EXOC6B: variants seen among roughly 807,000 people sequenced by gnomAD.
EXOC6B encodes exocyst complex component 6B, also known as SEC15 homolog B.
Under a neutral mutation model 113.5 loss-of-function variants are expected in EXOC6B, and 54 were observed. The observed-to-expected ratio is 0.48, with a 90% CI of 0.38 to 0.60. The LOEUF is 0.60. EXOC6B is among the 20% of genes least tolerant of loss of function. EXOC6B has a pLI of 0.00. For synonymous variants in EXOC6B, 357 were observed against 339.0 expected (o/e 1.05, Z -0.58); for missense variants, 797 against 977.5 (o/e 0.82, Z 2.46).
chr2:72,795,645 C>A (rs1458902093), intron 1 of EXOC6B, among the ~76,000 whole-genome samples: 1 of 152,046 alleles, frequency 6.6e-6, no homozygotes, highest in Non-Finnish European at 1.5e-5. Flanking sequence ...CTGTGGTAGA[C>A]AGAATAATGG....
chr2:72,754,027 G>A (rs1307773249), intron 1 of EXOC6B, among the ~76,000 whole-genome samples: 1 of 152,082 alleles, frequency 6.6e-6, no homozygotes, highest in Non-Finnish European at 1.5e-5. Context: ...CTGAGTAGCT[G>A]GGACTACAGG....
At chr2:72,698,059 G>C (rs1269511740) in intron 6 of EXOC6B, among the ~76,000 whole-genome samples, 1 of 152,184 alleles carries the variant, frequency 6.6e-6, no homozygotes, top group Admixed American at 6.5e-5. Context: ...TTTGGTGATG[G>C]GGAGGGGGAG....
chr2:72,802,290 A>G (rs1027077054), intron 1 of EXOC6B, among the ~76,000 whole-genome samples: 7 of 151,004 alleles, frequency 4.6e-5, no homozygotes, highest in Non-Finnish European at 8.8e-5. Flanking sequence ...ACACCACTGC[A>G]CTCTAGCCTG....
At chr2:72,705,959 A>G (rs892756820) in intron 6 of EXOC6B, among the ~76,000 whole-genome samples, 5 of 152,196 alleles carry the variant, frequency 3.3e-5, no homozygotes, top group African/African-American at 1.2e-4. Context: ...TTCCCAGCCT[A>G]TATTTCTGAT....
intron 20 of EXOC6B, among the ~76,000 whole-genome samples, chr2:72,315,480 T>C (rs1687463268): frequency 6.6e-6 from 1 of 152,178 alleles, no homozygotes; most frequent in Non-Finnish European, 1.5e-5. Flanking sequence ...GTTTTAACTT[T>C]TTCATGCCTT....
At position 72,421,793 on chromosome 2, in the gene EXOC6B, G is replaced by A. The variant is rs1326489935; in HGVS notation, c.1981-41923C>T. ...CCCCTTTCTGGGCTGGCCAAGGCTG[G>A]AGCCCACTCCCTCAGCTTGCAGCGA... On this transcript the variant is annotated intron_variant, in intron 18 of 21. Transcript: ENST00000272427. Among the ~76,000 whole-genome samples the A allele has an allele frequency of 2.6e-5, 4 of 152,208 alleles. No individual in the cohort carries two copies. In the East Asian group the frequency reaches 7.7e-4, roughly 29 times the overall value.
At chr2:72,509,459 T>C (rs763608687) in intron 11 of EXOC6B, among the ~76,000 whole-genome samples, 13 of 152,160 alleles carry the variant, frequency 8.5e-5, no homozygotes, top group Non-Finnish European at 1.6e-4. Context: ...AAATTTTTTA[T>C]GGTTGTAGAA....
chr2:72,743,076 A>G (rs547472216), intron 1 of EXOC6B, among the ~76,000 whole-genome samples: 1 of 152,152 alleles, frequency 6.6e-6, no homozygotes, highest in Admixed American at 6.5e-5. Flanking sequence ...AATGACTCCT[A>G]ATCTATCTCC....
intron 1 of EXOC6B, among the ~76,000 whole-genome samples, chr2:72,746,979 C>T (rs372368141): frequency 3.9e-5 from 6 of 152,020 alleles, no homozygotes; most frequent in African/African-American, 9.6e-5. Flanking sequence ...TTGCTTGCTA[C>T]GATACAATTA....
intron 6 of EXOC6B, among the ~76,000 whole-genome samples, chr2:72,659,849 A>G (rs1238799430): frequency 6.6e-6 from 1 of 152,150 alleles, no homozygotes. Context: ...ACAATTCTTA[A>G]AAGAATCATT....
At chr2:72,659,086 C>T (rs1225556031) in intron 6 of EXOC6B, among the ~76,000 whole-genome samples, 1 of 152,040 alleles carries the variant, frequency 6.6e-6, no homozygotes, top group East Asian at 1.9e-4. Flanking sequence ...GACAGTATCT[C>T]AAATTATTTT....
At chr2:72,801,080 G>A (rs995676917) in intron 1 of EXOC6B, among the ~76,000 whole-genome samples, 1 of 152,286 alleles carries the variant, frequency 6.6e-6, no homozygotes, top group Non-Finnish European at 1.5e-5. Context: ...GTAGAACTGT[G>A]ACAGATACAA....
At chr2:72,418,378 C>T (rs1694663597) in intron 18 of EXOC6B, among the ~76,000 whole-genome samples, 1 of 152,172 alleles carries the variant, frequency 6.6e-6, no homozygotes, top group South Asian at 2.1e-4. Context: ...CTGCTTTCTG[C>T]AGGGTTGTTC....
rs1179607217 is a variant in EXOC6B, at chr2:72,532,305, A to AT, written c.916-17180dup. On this transcript the variant is annotated intron_variant, in intron 8 of 21. Coordinates refer to ENST00000272427, the MANE Select transcript of EXOC6B (RefSeq NM_015189.3). The stretch of plus-strand genomic sequence containing the variant: ...ATGCAAGTGAAATTAACAATGTACC[A>AT]TTTTTTCCCTACCAAATTAGCAAAA... 2.6e-5 allele frequency among the ~76,000 whole-genome samples: 4 copies of AT among 152,254 alleles called. No individual in the cohort carries two copies. The South Asian group carries it at 8.3e-4, about 32-fold the overall frequency.
chr2:72,665,472 G>A (rs1675325166), intron 6 of EXOC6B, among the ~76,000 whole-genome samples: 1 of 152,072 alleles, frequency 6.6e-6, no homozygotes. Flanking sequence ...CACTTATAAA[G>A]GAAATAGCAT....
chr2:72,288,933 G>C (rs1685614800), intron 20 of EXOC6B: 1 of 229,152 alleles, frequency 4.4e-6, no homozygotes, highest in Non-Finnish European at 8.8e-6. Context: ...TCACAAGCAG[G>C]CTAAACAAGT....
intron 11 of EXOC6B, among the ~76,000 whole-genome samples, chr2:72,501,680 T>C (rs1700327484): frequency 6.6e-6 from 1 of 151,532 alleles, no homozygotes; most frequent in Non-Finnish European, 1.5e-5. Context: ...TTGCCCATTA[T>C]TTACTTGAAG....
chr2:72,348,287 T>G (rs1689448789), intron 19 of EXOC6B, among the ~76,000 whole-genome samples: 1 of 152,184 alleles, frequency 6.6e-6, no homozygotes, highest in Non-Finnish European at 1.5e-5. Context: ...CCCTTGAAGT[T>G]TAGGATTTCA....
At chr2:72,492,691 C>T (rs1427426791) in intron 15 of EXOC6B, among the ~76,000 whole-genome samples, 1 of 150,190 alleles carries the variant, frequency 6.7e-6, no homozygotes, top group Non-Finnish European at 1.5e-5. Context: ...TCTTTGAGTA[C>T]TTTAAGGATG....
Sources: allele counts gnomAD v4.1 joint callset (sites outside exome capture counted in the v4.1 genomes callset), GRCh38; gene constraint gnomAD v4.1.1; transcripts MANE v1.5; gene names NCBI Gene and HGNC (gene_info 2026-07-23, HGNC 2026-07-21).